The following RGPD4 variants were observed in gnomAD, a reference collection of about 807,000 sequenced individuals.
RGPD4 encodes RANBP2 like and GRIP domain containing 4.
Under a neutral mutation model 141.1 loss-of-function variants are expected in RGPD4, and 84 were observed. The observed-to-expected ratio is 0.60, with a 90% CI of 0.50 to 0.71. The LOEUF (loss-of-function observed/expected upper bound fraction) is 0.71. RGPD4 is among the 30% of genes least tolerant of loss of function. The pLI is 0.00. For missense variants in RGPD4, 918 were observed against 1,622.4 expected, an observed-to-expected ratio of 0.57 and a Z score of 7.46; for synonymous variants, 298 against 566.8, an observed-to-expected ratio of 0.53 and a Z score of 6.74.
intron 7 of RGPD4, among the ~76,000 whole-genome samples, chr2:107,854,101 C>T (rs376730365): frequency 7.4e-6 from 1 of 134,934 alleles, no homozygotes; most frequent in Non-Finnish European, 1.5e-5. Context: ...TTCACCCAGG[C>T]CGGAGTGCAA....
chr2:107,831,638 C>G (rs1460123273), intron 1 of RGPD4, among the ~76,000 whole-genome samples: 2 of 111,572 alleles, frequency 1.8e-5, no homozygotes, highest in East Asian at 4.6e-4. Flanking sequence ...TGTAGTGGCG[C>G]GATCTCGGCT....
chr2:107,883,788 T>A (rs900121890), intron 22 of RGPD4, among the ~76,000 whole-genome samples: 3 of 152,000 alleles, frequency 2.0e-5, no homozygotes, highest in African/African-American at 7.3e-5. Flanking sequence ...ATGGTTTCAT[T>A]TTTGTTTTAG....
intron 1 of RGPD4, among the ~76,000 whole-genome samples, chr2:107,828,411 C>T (rs1418353009): frequency 6.8e-5 from 1 of 14,700 alleles, no homozygotes; most frequent in East Asian, 9.5e-4. Context: ...GCGGCGGCCT[C>T]GACCCGGCCC....
At chr2:107,828,021 C>T (rs369562782) in intron 1 of RGPD4, among the ~76,000 whole-genome samples, 3 of 65,734 alleles carry the variant, frequency 4.6e-5, no homozygotes, top group African/African-American at 1.3e-4. Context: ...CGGCGGCGGC[C>T]GCGATGGCTC....
At chr2:107,857,211 C>T (rs913306048) in intron 9 of RGPD4, among the ~76,000 whole-genome samples, 27 of 150,996 alleles carry the variant, frequency 1.8e-4, no homozygotes, top group Non-Finnish European at 3.1e-4. Context: ...GATCTCGGCT[C>T]ACTGTAACCT....
rs769177165 is a variant in RGPD4 at position 107,871,168 on chromosome 2, A to C, written c.3164A>C (p.Glu1055Ala). 8.7e-6 allele frequency: 14 copies of C among 1,610,470 alleles called. No homozygotes were observed. The highest frequency in any genetic ancestry group is 1.4e-5 in the African/African-American group (1 of 73,852). ...PEKVELVIGE[E>A]GEKVLYSQGV... ...AAAGTAGAACTTGTAATAGGAGAAG[A>C]AGGTGAAAAAGTTCTGTATTCACAG... The change falls in exon 20 of 23, where the codon GAA becomes GCA. Residue 1055 changes from glutamate to alanine, a missense_variant. Physicochemically the swap from Glu to Ala is moderately radical, Grantham distance 107 (BLOSUM62 -1). Coordinates refer to ENST00000408999, the MANE Select transcript of RGPD4 (RefSeq NM_182588.3).
At chr2:107,829,701 G>A (rs1681399282) in intron 1 of RGPD4, among the ~76,000 whole-genome samples, 2 of 152,228 alleles carry the variant, frequency 1.3e-5, no homozygotes, top group South Asian at 2.1e-4. Context: ...CGCGGCGGGC[G>A]GGAGACCTTT....
chr2:107,849,515 C>T (rs1246385727), intron 7 of RGPD4, among the ~76,000 whole-genome samples: 6 of 71,950 alleles, frequency 8.3e-5, no homozygotes, highest in East Asian at 6.4e-4. Context: ...TACAGGCACC[C>T]GCCACCACAC....
At chr2:107,844,966 G>C (rs1260548541) in intron 6 of RGPD4, among the ~76,000 whole-genome samples, 10 of 140,362 alleles carry the variant, frequency 7.1e-5, no homozygotes, top group African/African-American at 2.7e-4. Flanking sequence ...CTCCTGAGTA[G>C]CTGGGACCAC....
At chr2:107,877,868 C>T (rs1683134726) in intron 20 of RGPD4, among the ~76,000 whole-genome samples, 1 of 151,726 alleles carries the variant, frequency 6.6e-6, no homozygotes, top group African/African-American at 2.4e-5. Flanking sequence ...GGCTGAAGTG[C>T]AGTGGCGTGA....
chr2:107,881,617 A>T (rs1419117699), intron 21 of RGPD4, among the ~76,000 whole-genome samples: 3 of 150,966 alleles, frequency 2.0e-5, no homozygotes, highest in African/African-American at 4.9e-5. Context: ...CGCCTGGCCA[A>T]ATGTTATATT....
In RGPD4 at chr2:107,859,499, G is replaced by A. The variant is rs542576280; in HGVS notation, c.1579G>A (p.Glu527Lys). ...PLPVCKQLCT[E>K]RQKSWWDAVC... ...TCCTGTATGTAAACAGCTTTGTACAGAAAGACAAAAATCTTGGTGGGATGC... is the reference window on the plus strand; with the variant it reads ...TCCTGTATGTAAACAGCTTTGTACAAAAAGACAAAAATCTTGGTGGGATGC... The change falls in exon 11 of 23, where the codon GAA becomes AAA. Residue 527 changes from glutamate (E) to lysine (K), a missense_variant. Glu to Lys is a moderately conservative substitution (Grantham distance 56). Coordinates refer to ENST00000408999, the MANE Select transcript of RGPD4 (RefSeq NM_182588.3). The A allele has an allele frequency of 2.7e-5, 43 of 1,611,374 alleles. No individual in the cohort carries two copies. The highest frequency in any genetic ancestry group is 8.5e-7 in the Non-Finnish European group (1 of 1,179,838).
intron 20 of RGPD4, among the ~76,000 whole-genome samples, chr2:107,874,853 C>T (rs2104504264): frequency 6.6e-6 from 1 of 151,678 alleles, no homozygotes; most frequent in Admixed American, 6.6e-5. Flanking sequence ...GAATCTGTAT[C>T]TTACGGTGTA....
chr2:107,834,599 A>C (rs1384733605), intron 1 of RGPD4, among the ~76,000 whole-genome samples: 4 of 152,022 alleles, frequency 2.6e-5, no homozygotes, highest in African/African-American at 9.7e-5. Context: ...CTTGTGTTCA[A>C]GTAACCCTTA....
chr2:107,874,934 AT>A (rs1683046875), intron 20 of RGPD4, among the ~76,000 whole-genome samples: 1 of 147,562 alleles, frequency 6.8e-6, no homozygotes, highest in Non-Finnish European at 1.5e-5. Flanking sequence ...CAGATTTAAC[AT>A]TGTAAAAGGA....
intron 22 of RGPD4, among the ~76,000 whole-genome samples, chr2:107,884,037 A>G (rs1675440720): frequency 6.6e-6 from 1 of 151,784 alleles, no homozygotes; most frequent in South Asian, 2.1e-4. Context: ...GTTATTGTGA[A>G]TGTCTTTTTA....
rs769716241 is a variant in RGPD4, at chr2:107,871,802, CT to C, written c.3799del (p.Ser1267GlnfsTer12). 6.2e-7 allele frequency: 1 copy of C among 1,611,440 alleles called. No homozygotes were observed. The highest frequency in any genetic ancestry group is 8.5e-7 in the Non-Finnish European group (1 of 1,179,858). On this transcript the variant is annotated frameshift_variant, in exon 20 of 23. Coordinates refer to ENST00000408999, the MANE Select transcript of RGPD4 (RefSeq NM_182588.3). LOFTEE classifies it high-confidence loss of function. The stretch of plus-strand genomic sequence containing the variant: ...CTTTGGATGATAGTGTCAGTAGTAG[CT>C]CAGTACATGCTTCTCCATTGGCAAG... ...DALDDSVSSS[S>X]VHASPLASSP... is the part of the protein sequence containing the mutation.
chr2:107,872,134 G>A lies in RGPD4; in HGVS notation c.4130G>A (p.Arg1377Lys). The A allele has an allele frequency of 1.2e-6, 2 of 1,611,564 alleles. No individual in the cohort carries two copies. The highest frequency in any genetic ancestry group is 1.7e-6 in the Non-Finnish European group (2 of 1,179,848). ...AAAGATGTTGGTCAATGGAAAGAAAGGGGCATTGGTGATATAAAGATTTTA... is the reference window on the plus strand; with the variant it reads ...AAAGATGTTGGTCAATGGAAAGAAAAGGGCATTGGTGATATAAAGATTTTA... ...YDKDVGQWKE[R>K]GIGDIKILQN... Residue 1377 changes from arginine to lysine, a missense_variant, in exon 20 of 23, where the codon AGG becomes AAG. Transcript: ENST00000408999.
intron 2 of RGPD4, among the ~76,000 whole-genome samples, chr2:107,837,349 CGTGG>C (rs1242584978): frequency 2.2e-5 from 2 of 89,602 alleles, no homozygotes; most frequent in African/African-American, 6.1e-5. Flanking sequence ...CGCACCACCA[CGTGG>C]ACCTGGCTAA....
Sources: gnomAD v4.1 joint callset for allele counts (sites outside exome capture counted in the v4.1 genomes callset) on GRCh38, gnomAD v4.1.1 for gene constraint, MANE v1.5 for transcripts, NCBI Gene and HGNC (gene_info 2026-07-23, HGNC 2026-07-21) for gene names.